The following SNTG2 variants were observed in gnomAD, a reference collection of about 807,000 sequenced individuals.
The protein encoded by SNTG2 is gamma-2-syntrophin.
A neutral mutation model predicts 70.9 loss-of-function variants in SNTG2; 74 were observed. That is an observed-to-expected ratio of 1.04 (90% CI 0.86 to 1.27). The LOEUF is 1.27. SNTG2 is among the 50% of genes most tolerant of loss of function. The pLI is 0.00. For synonymous variants in SNTG2, 278 were observed against 273.8 expected (o/e 1.02, Z -0.15); for missense variants, 717 against 690.7 (o/e 1.04, Z -0.43).
At chr2:1,032,274 G>T (rs546936717) in intron 1 of SNTG2, among the ~76,000 whole-genome samples, 1 of 152,030 alleles carries the variant, frequency 6.6e-6, no homozygotes, top group Admixed American at 6.6e-5. Flanking sequence ...AAATAAGTAG[G>T]CCAGATTACA....
At chr2:970,979 C>T (rs889526685) in intron 1 of SNTG2, among the ~76,000 whole-genome samples, 1 of 152,160 alleles carries the variant, frequency 6.6e-6, no homozygotes, top group Non-Finnish European at 1.5e-5. Flanking sequence ...GAATGGCAAT[C>T]ATTAAAAAGT....
At chr2:1,011,202 C>T (rs941361685) in intron 1 of SNTG2, among the ~76,000 whole-genome samples, 9 of 152,184 alleles carry the variant, frequency 5.9e-5, no homozygotes, top group African/African-American at 2.2e-4. Flanking sequence ...TAACGTGGCA[C>T]GGGGTGACTG....
chr2:1,198,614 A>G (rs1374382249), intron 8 of SNTG2, among the ~76,000 whole-genome samples: 2 of 152,118 alleles, frequency 1.3e-5, no homozygotes, highest in African/African-American at 4.8e-5. Context: ...AAAGATTAAT[A>G]AAAGTTTTTT....
intron 7 of SNTG2, among the ~76,000 whole-genome samples, chr2:1,171,661 T>TA (rs1441474556): frequency 6.6e-6 from 1 of 152,208 alleles, no homozygotes; most frequent in Non-Finnish European, 1.5e-5. Context: ...CTTCATCTAG[T>TA]AAAATTGACA....
chr2:1,129,325 G>C (rs1667883996), intron 4 of SNTG2, among the ~76,000 whole-genome samples: 1 of 152,222 alleles, frequency 6.6e-6, no homozygotes, highest in African/African-American at 2.4e-5. Flanking sequence ...GATGAAGTTT[G>C]TATCTGCATG....
chr2:1,086,596 C>G (rs1187336676), intron 2 of SNTG2, among the ~76,000 whole-genome samples: 1 of 152,180 alleles, frequency 6.6e-6, no homozygotes, highest in Non-Finnish European at 1.5e-5. Context: ...AATGCACATT[C>G]TCTCCAGCAC....
chr2:956,110 GCCCTGC>G (rs1376517465), intron 1 of SNTG2, among the ~76,000 whole-genome samples: 2 of 67,550 alleles, frequency 3.0e-5, no homozygotes, highest in African/African-American at 6.2e-5. Flanking sequence ...CCCTACCCCT[GCCCTGC>G]CCCTGCCCAT....
chr2:1,307,030 CTG>C (rs1252985260), intron 14 of SNTG2, among the ~76,000 whole-genome samples: 3 of 145,210 alleles, frequency 2.1e-5, no homozygotes, highest in Admixed American at 6.9e-5. Flanking sequence ...GTGTCATGTG[CTG>C]TGTGTGTGTG....
intron 8 of SNTG2, among the ~76,000 whole-genome samples, chr2:1,194,078 C>T (rs1176272505): frequency 6.6e-6 from 1 of 152,232 alleles, no homozygotes; most frequent in African/African-American, 2.4e-5. Flanking sequence ...GCAGCCTTTC[C>T]TCTACCACAT....
chr2:1,093,899 G>A (rs1436679782), intron 2 of SNTG2, among the ~76,000 whole-genome samples: 1 of 121,554 alleles, frequency 8.2e-6, no homozygotes, highest in African/African-American at 3.2e-5. Context: ...ACTGGCAAGG[G>A]CTGCCTTCCT....
At chr2:1,068,669 G>A (rs1363066990) in intron 1 of SNTG2, among the ~76,000 whole-genome samples, 1 of 152,176 alleles carries the variant, frequency 6.6e-6, no homozygotes, top group Non-Finnish European at 1.5e-5. Context: ...TCTTTTGACA[G>A]TTGCTTAAAA....
At chr2:1,230,490 G>A (rs572863686) in intron 9 of SNTG2, among the ~76,000 whole-genome samples, 1 of 152,306 alleles carries the variant, frequency 6.6e-6, no homozygotes, top group South Asian at 2.1e-4. Flanking sequence ...ATCACCCTCT[G>A]TCCTGCCTGC....
intron 1 of SNTG2, among the ~76,000 whole-genome samples, chr2:1,076,952 T>C (rs1351360151): frequency 6.6e-6 from 1 of 152,236 alleles, no homozygotes; most frequent in Non-Finnish European, 1.5e-5. Flanking sequence ...GTACATGCTA[T>C]ATTTACATGT....
intron 1 of SNTG2, among the ~76,000 whole-genome samples, chr2:1,068,701 A>G (rs1434584148): frequency 6.6e-6 from 1 of 152,228 alleles, no homozygotes; most frequent in Non-Finnish European, 1.5e-5. Flanking sequence ...TTCATCTTAA[A>G]TTTGTATGCT....
intron 14 of SNTG2, among the ~76,000 whole-genome samples, chr2:1,273,829 C>T (rs921808653): frequency 6.6e-6 from 1 of 151,878 alleles, no homozygotes; most frequent in Non-Finnish European, 1.5e-5. Flanking sequence ...TTAAAAGCAA[C>T]TATTATTTGA....
Position 1,165,553 on chromosome 2 carries a change from T to C in SNTG2, c.417T>C (p.His139=), listed in dbSNP as rs1300495003. The C allele has an allele frequency of 3.1e-6, 5 of 1,611,924 alleles. No individual in the cohort carries two copies. Among genetic ancestry groups the C allele is most frequent in the African/African-American group, 1.3e-5 (1 of 74,856 alleles). ...TATTTTTGTCATATTGACAGGTGCA[T>C]CTGCTGAGAAATGCTGGCGATGAAG... is the stretch of plus-strand genomic sequence containing the variant. ...VENATHEEVV[H]LLRNAGDEVT... The change falls in exon 7 of 17, where the codon CAT becomes CAC. Residue 139 remains histidine, a synonymous_variant. Coordinates refer to ENST00000308624, the MANE Select transcript of SNTG2 (RefSeq NM_018968.4).
rs1677491596 is a variant in SNTG2, at chr2:1,247,351, G to C, written c.913G>C (p.Glu305Gln). The C allele has an allele frequency of 6.2e-7, 1 of 1,613,702 alleles. No individual in the cohort carries two copies. The highest frequency in any genetic ancestry group is 1.7e-5 in the Admixed American group (1 of 59,994). ...DQVVHMGWVN[E>Q]KLQGADSSQT... ...GGTTGTGCATATGGGGTGGGTAAAT[G>C]AGAAACTCCAAGGAGCTGACTCCTC... Residue 305 changes from glutamate to glutamine, a missense_variant, in exon 12 of 17, where the codon GAG becomes CAG. Coordinates refer to ENST00000308624, the MANE Select transcript of SNTG2 (RefSeq NM_018968.4).
At chr2:1,334,740 G>A (rs1659712629) in intron 16 of SNTG2, among the ~76,000 whole-genome samples, 1 of 152,142 alleles carries the variant, frequency 6.6e-6, no homozygotes, top group Non-Finnish European at 1.5e-5. Flanking sequence ...GCTAAGTGAT[G>A]AGGACGCAAA....
At chr2:1,282,195 T>C (rs189778348) in intron 14 of SNTG2, among the ~76,000 whole-genome samples, 1 of 152,236 alleles carries the variant, frequency 6.6e-6, no homozygotes, top group Non-Finnish European at 1.5e-5. Flanking sequence ...CTGGAGTGAG[T>C]GTGGGATTCT....
Sources: allele counts gnomAD v4.1 joint callset (sites outside exome capture counted in the v4.1 genomes callset), GRCh38; gene constraint gnomAD v4.1.1; transcripts MANE v1.5; gene names NCBI Gene and HGNC (gene_info 2026-07-23, HGNC 2026-07-21).